The following SCNN1B variants were observed in gnomAD, a reference collection of about 807,000 sequenced individuals.
The protein encoded by SCNN1B is epithelial sodium channel subunit beta.
SCNN1B carries 46 observed loss-of-function variants against 65.3 expected under a neutral mutation model. That is an observed-to-expected ratio of 0.70 (90% CI 0.56 to 0.90). The LOEUF is 0.90. SCNN1B is among the 40% of genes least tolerant of loss of function. SCNN1B has a pLI of 0.00. For missense variants in SCNN1B, 751 were observed against 830.5 expected (o/e 0.90, Z 1.18); for synonymous variants, 349 against 330.6 (o/e 1.06, Z -0.60).
intron 1 of SCNN1B, among the ~76,000 whole-genome samples, chr16:23,330,202 C>A (rs1961782618): frequency 6.6e-6 from 1 of 152,130 alleles, no homozygotes; most frequent in Admixed American, 6.5e-5. Flanking sequence ...TGCCCAGGGA[C>A]CCCGACTCGG....
chr16:23,321,859 C>T (rs1453210216), intron 1 of SCNN1B, among the ~76,000 whole-genome samples: 2 of 151,906 alleles, frequency 1.3e-5, no homozygotes, highest in Non-Finnish European at 2.9e-5. Flanking sequence ...CCTGCCTCTA[C>T]AGAAAAAATA....
At chr16:23,376,774 A>C (rs967437248) in intron 8 of SCNN1B, among the ~76,000 whole-genome samples, 8 of 152,030 alleles carry the variant, frequency 5.3e-5, no homozygotes, top group Non-Finnish European at 7.4e-5. Context: ...AGAAAGAAAA[A>C]AAAAAGTAAA....
At chr16:23,299,204 T>C (rs563764005), upstream of SCNN1B, among the ~76,000 whole-genome samples, 38 of 151,876 alleles carry the variant, frequency 2.5e-4, no homozygotes, top group African/African-American at 8.4e-4. Flanking sequence ...GGATTACAGG[T>C]GCGCACCACC....
At chr16:23,310,250 C>T (rs1726435313) in intron 1 of SCNN1B, among the ~76,000 whole-genome samples, 1 of 131,620 alleles carries the variant, frequency 7.6e-6, no homozygotes, top group Non-Finnish European at 1.6e-5. Context: ...TTCAAGATTG[C>T]TGGGTCTGAC....
intron 11 of SCNN1B, among the ~76,000 whole-genome samples, chr16:23,379,740 C>A (rs192878599): frequency 1.5e-4 from 23 of 152,246 alleles, no homozygotes; most frequent in African/African-American, 4.8e-4. Flanking sequence ...CTGTCCCAGG[C>A]CAGAGTGTCC....
At chr16:23,318,745 A>G (rs981142227) in intron 1 of SCNN1B, among the ~76,000 whole-genome samples, 34 of 152,368 alleles carry the variant, frequency 2.2e-4, no homozygotes, top group African/African-American at 7.9e-4. Flanking sequence ...CTGCACAGTA[A>G]AAGATCACTA....
At chr16:23,343,645 A>AAGAAAGAAAGAAAG (rs1555487079) in intron 1 of SCNN1B, among the ~76,000 whole-genome samples, 1 of 130,280 alleles carries the variant, frequency 7.7e-6, no homozygotes, top group Non-Finnish European at 1.6e-5. Flanking sequence ...GAAAGAAAGA[A>AAGAAAGAAAGAAAG]AGAAAAAAAG....
intron 1 of SCNN1B, among the ~76,000 whole-genome samples, chr16:23,328,615 G>A (rs1961745559): frequency 6.6e-6 from 1 of 152,148 alleles, no homozygotes; most frequent in Non-Finnish European, 1.5e-5. Flanking sequence ...AACCCAGGAG[G>A]TACTGGAAAC....
intron 2 of SCNN1B, among the ~76,000 whole-genome samples, chr16:23,288,339 A>T (rs1291247403): frequency 1.3e-5 from 2 of 152,196 alleles, no homozygotes; most frequent in African/African-American, 4.8e-5. Flanking sequence ...TTTTCAAAAT[A>T]ATAAGTCAGT....
chr16:23,311,529 T>C (rs1366948682), intron 1 of SCNN1B, among the ~76,000 whole-genome samples: 1 of 152,208 alleles, frequency 6.6e-6, no homozygotes, highest in East Asian at 1.9e-4. Flanking sequence ...ATTCTCTAAC[T>C]GAGCTCAAGA....
At chr16:23,337,200 T>C (rs1391575948) in intron 1 of SCNN1B, among the ~76,000 whole-genome samples, 4 of 151,908 alleles carry the variant, frequency 2.6e-5, no homozygotes, top group African/African-American at 4.8e-5. Context: ...CACAGGCACA[T>C]GCCACCACAT....
intron 1 of SCNN1B, among the ~76,000 whole-genome samples, chr16:23,312,590 G>T (rs2141986539): frequency 6.6e-6 from 1 of 152,274 alleles, no homozygotes; most frequent in African/African-American, 2.4e-5. Context: ...TGAGGGTAGG[G>T]CCATGATGGG....
chr16:23,325,871 A>G (rs1205841940), intron 1 of SCNN1B, among the ~76,000 whole-genome samples: 3 of 150,726 alleles, frequency 2.0e-5, no homozygotes, highest in Non-Finnish European at 4.4e-5. Flanking sequence ...TGGGCAACAT[A>G]GTGAGACCCT....
chr16:23,310,560 C>T (rs1340727568), intron 1 of SCNN1B, among the ~76,000 whole-genome samples: 1 of 152,124 alleles, frequency 6.6e-6, no homozygotes, highest in Admixed American at 6.6e-5. Flanking sequence ...GGCACAAGTC[C>T]CAGCTACTTG....
chr16:23,291,617 C>T (rs2141970705), intron 2 of SCNN1B, among the ~76,000 whole-genome samples: 1 of 151,776 alleles, frequency 6.6e-6, no homozygotes, highest in Middle Eastern at 3.4e-3. Context: ...CTCTGTTGCC[C>T]AGGCTGGAAT....
upstream of SCNN1B, among the ~76,000 whole-genome samples, chr16:23,298,498 G>A (rs565171321): frequency 6.6e-4 from 101 of 152,288 alleles, 2 homozygotes; most frequent in Middle Eastern, 6.8e-3. Flanking sequence ...GTAACTTCCC[G>A]GCGTTGCCAT....
intron 1 of SCNN1B, among the ~76,000 whole-genome samples, chr16:23,331,487 G>C (rs1961811634): frequency 6.6e-6 from 1 of 152,012 alleles, no homozygotes; most frequent in African/African-American, 2.4e-5. Flanking sequence ...ACCAGGTCCA[G>C]CTAATTTTTG....
intron 2 of SCNN1B, among the ~76,000 whole-genome samples, chr16:23,288,992 G>C (rs970382649): frequency 3.9e-5 from 6 of 152,160 alleles, no homozygotes; most frequent in Admixed American, 3.3e-4. Flanking sequence ...AGCAAGGGAG[G>C]GTGCTAGCAA....
At chr16:23,290,885 G>A (rs1310029018) in intron 2 of SCNN1B, among the ~76,000 whole-genome samples, 2 of 152,046 alleles carry the variant, frequency 1.3e-5, no homozygotes, top group East Asian at 3.9e-4. Flanking sequence ...GACTCATTAA[G>A]CATACAATTG....
Sources: gnomAD v4.1 joint callset for allele counts (sites outside exome capture counted in the v4.1 genomes callset) on GRCh38, gnomAD v4.1.1 for gene constraint, MANE v1.5 for transcripts, NCBI Gene and HGNC (gene_info 2026-07-23, HGNC 2026-07-21) for gene names.